CFAP43: variants seen among roughly 807,000 people sequenced by gnomAD.
CFAP43 encodes cilia- and flagella-associated protein 43.
A neutral mutation model predicts 218.9 loss-of-function variants in CFAP43; 155 were observed. The ratio of observed to expected loss-of-function variants is 0.71; its 90% CI spans 0.62 to 0.81. The LOEUF is 0.81. Among genes scored for constraint, CFAP43 ranks in the 30% least tolerant of loss-of-function variants. CFAP43 has a pLI of 0.00. For synonymous variants in CFAP43, 645 were observed against 681.3 expected (o/e 0.95, Z 0.83); for missense variants, 1,778 against 1,954.3 (o/e 0.91, Z 1.70).
chr10:104,210,000 T>C (rs1158691384), intron 5 of CFAP43, among the ~76,000 whole-genome samples: 1 of 152,172 alleles, frequency 6.6e-6, no homozygotes, highest in Non-Finnish European at 1.5e-5. Context: ...TTATTTTATT[T>C]TTTCTCCCAT....
chr10:104,168,905 A>G, intron 20 of CFAP43, 57 bp from the exon 21 acceptor site: 1 of 1,374,346 alleles, frequency 7.3e-7, no homozygotes, highest in South Asian at 1.2e-5. Context: ...CTCAGAAATA[A>G]TAATCTCCAT....
chr10:104,218,642 A>G, intron 3 of CFAP43: 1 of 414,624 alleles, frequency 2.4e-6, no homozygotes, highest in Non-Finnish European at 4.7e-6. Context: ...TCCTACTGTC[A>G]CTTGTCCTCA....
intron 15 of CFAP43, among the ~76,000 whole-genome samples, chr10:104,185,612 C>A (rs575682402): frequency 6.6e-6 from 1 of 152,152 alleles, no homozygotes; most frequent in Non-Finnish European, 1.5e-5. Context: ...GCTAACTAAG[C>A]CAGTTTGATT....
intron 13 of CFAP43, among the ~76,000 whole-genome samples, chr10:104,187,961 T>C (rs911891264): frequency 6.6e-6 from 1 of 152,202 alleles, no homozygotes; most frequent in Non-Finnish European, 1.5e-5. Context: ...CTGTAATCTA[T>C]CTGAATTTAA....
In CFAP43 at chr10:104,182,500, G is replaced by A; in HGVS notation, c.2155C>T (p.His719Tyr). ...VYLKWKRFGG[H>Y]LASEILDYYQ... ...TAGTCCAGAATTTCACTGGCTAGGTGTCCTCCAAATCGCCTATATTAATAA... is the reference window on the plus strand; with the variant it reads ...TAGTCCAGAATTTCACTGGCTAGGTATCCTCCAAATCGCCTATATTAATAA... The change falls in exon 17 of 38, where the codon CAC becomes TAC. Residue 719 changes from histidine (H) to tyrosine (Y), a missense_variant. His to Tyr is a moderately conservative substitution (Grantham distance 83). Around this residue, in one of 3 missense-constraint regions of CFAP43, gnomAD observed 1,553 missense variants for 1,685.2 expected, o/e 0.92. Transcript: ENST00000357060. The A allele has an allele frequency of 6.3e-7, 1 of 1,595,466 alleles. No homozygotes were observed.
At chr10:104,219,668 CT>C (rs1034698491) in intron 3 of CFAP43, among the ~76,000 whole-genome samples, 2 of 152,154 alleles carry the variant, frequency 1.3e-5, no homozygotes, top group African/African-American at 4.8e-5. Context: ...CTCTTTCACT[CT>C]CAAAAGCATC....
intron 18 of CFAP43, among the ~76,000 whole-genome samples, 165 bp downstream of exon 18, chr10:104,179,675 G>T (rs1416508965): frequency 6.6e-6 from 1 of 152,172 alleles, no homozygotes; most frequent in East Asian, 1.9e-4. Flanking sequence ...GCTGTGTTTA[G>T]GGTGTTTATT....
intron 6 of CFAP43, 83 bp from the exon 7 acceptor site, chr10:104,206,113 T>G (rs920212739): frequency 1.2e-5 from 13 of 1,080,752 alleles, no homozygotes; most frequent in Non-Finnish European, 1.6e-5. Context: ...CTACTTTTAC[T>G]GATGTAAATC....
chr10:104,212,009 G>A lies in CFAP43; in HGVS notation c.733C>T (p.Arg245Trp), dbSNP rs1314878111. ...GLVGKEAETF[R>W]PKDDLYPLLH... Reference sequence around the variant, plus strand: ...AGGAAGAGGTGCCAGGTAATTACCCGGAAAGTCTCTGCCTCTTTGCCTACC... The same window carrying A: ...AGGAAGAGGTGCCAGGTAATTACCCAGAAAGTCTCTGCCTCTTTGCCTACC... The change falls in exon 5 of 38, where the codon CGG becomes TGG. Residue 245 changes from arginine (R) to tryptophan (W), a missense_variant and splice_region_variant. Arg to Trp is a moderately radical substitution (Grantham distance 101). Transcript: ENST00000357060. 23 of 1,611,168 alleles carry A rather than the reference G, an allele frequency of 1.4e-5. No homozygotes were observed. Among genetic ancestry groups the A allele is most frequent in the African/African-American group, 9.4e-5 (7 of 74,814 alleles).
At chr10:104,173,235 A>G (rs963895420) in intron 19 of CFAP43, among the ~76,000 whole-genome samples, 5 of 152,226 alleles carry the variant, frequency 3.3e-5, no homozygotes, top group Admixed American at 6.5e-5. Flanking sequence ...CCCAAAATAT[A>G]AAGTTAAGAG....
chr10:104,211,892 C>A, intron 5 of CFAP43, 115 bp downstream of exon 5: 1 of 1,233,924 alleles, frequency 8.1e-7, no homozygotes, highest in Non-Finnish European at 1.1e-6. Flanking sequence ...TATTAAAAAC[C>A]AAGATGATCC....
chr10:104,198,259 A>G (rs1336777113), intron 8 of CFAP43, among the ~76,000 whole-genome samples: 2 of 152,108 alleles, frequency 1.3e-5, no homozygotes, highest in South Asian at 2.1e-4. Context: ...TCATTCATTC[A>G]CTTATTCATC....
chr10:104,172,371 A>G, intron 20 of CFAP43, 39 bp downstream of exon 20: 1 of 1,584,632 alleles, frequency 6.3e-7, no homozygotes, highest in South Asian at 1.2e-5. Flanking sequence ...TACTTCTTTC[A>G]TCATAACTTT....
intron 27 of CFAP43, among the ~76,000 whole-genome samples, chr10:104,154,638 G>A (rs1331797704): frequency 6.6e-6 from 1 of 152,184 alleles, no homozygotes; most frequent in African/African-American, 2.4e-5. Flanking sequence ...AGGCCAGATT[G>A]TCTACATGTC....
chr10:104,150,975 A>G (rs1235269049), intron 28 of CFAP43, among the ~76,000 whole-genome samples: 1 of 152,084 alleles, frequency 6.6e-6, no homozygotes, highest in Non-Finnish European at 1.5e-5. Context: ...GCTCCCACTT[A>G]TAAGTGAGAG....
intron 20 of CFAP43, among the ~76,000 whole-genome samples, chr10:104,170,049 A>C (rs1290049288): frequency 6.6e-6 from 1 of 151,922 alleles, no homozygotes; most frequent in East Asian, 1.9e-4. Context: ...GGTGCCACTA[A>C]CTCCTCCCAA....
At chr10:104,192,386 T>C in intron 11 of CFAP43, 84 bp from the exon 12 acceptor site, 1 of 1,021,328 alleles carries the variant, frequency 9.8e-7, no homozygotes, top group Non-Finnish European at 1.5e-6. Context: ...GCCACAGAGA[T>C]ATGTTCAAAG....
At chr10:104,165,105 T>C (rs914662383) in intron 23 of CFAP43, among the ~76,000 whole-genome samples, 9 of 152,216 alleles carry the variant, frequency 5.9e-5, no homozygotes, top group African/African-American at 2.2e-4. Context: ...AATACTCTTC[T>C]TCTATATGAA....
At chr10:104,177,029 G>A (rs994236688) in intron 19 of CFAP43, among the ~76,000 whole-genome samples, 5 of 152,154 alleles carry the variant, frequency 3.3e-5, no homozygotes, top group African/African-American at 9.7e-5. Context: ...AGTGTTTAGA[G>A]TTATGAAAAG....
Sources: allele counts gnomAD v4.1 joint callset (sites outside exome capture counted in the v4.1 genomes callset), GRCh38; gene constraint gnomAD v4.1.1; regional missense constraint gnomAD v4.1.1; transcripts MANE v1.5; gene names NCBI Gene and HGNC (gene_info 2026-07-23, HGNC 2026-07-21).